Variants in WASHC3 observed in about 807,000 individuals in gnomAD.
WASHC3 encodes WASH complex subunit 3, also known as WASH complex subunit CCDC53.
A neutral mutation model predicts 26.1 loss-of-function variants in WASHC3; 24 were observed. The observed-to-expected ratio is 0.92, with a 90% CI of 0.66 to 1.29. The LOEUF is 1.29. Ranked by LOEUF, WASHC3 falls within the 50% of genes most tolerant of loss-of-function variation. The pLI is 0.00. For missense variants in WASHC3, 214 were observed against 229.6 expected (o/e 0.93, Z 0.44); for synonymous variants, 77 against 75.7 (o/e 1.02, Z -0.09).
intron 5 of WASHC3, among the ~76,000 whole-genome samples, chr12:102,029,224 T>G (rs1369530942): frequency 6.6e-6 from 1 of 152,190 alleles, no homozygotes; most frequent in Non-Finnish European, 1.5e-5. Flanking sequence ...GTGTCCAATT[T>G]CTGATCGCCA....
At chr12:102,039,498 T>C (rs1258310675) in intron 5 of WASHC3, among the ~76,000 whole-genome samples, 1 of 152,044 alleles carries the variant, frequency 6.6e-6, no homozygotes, top group African/African-American at 2.4e-5. Context: ...AACATAAAAA[T>C]TTTTAAAAAA....
intron 2 of WASHC3, among the ~76,000 whole-genome samples, chr12:102,046,797 G>T (rs747234303): frequency 1.3e-5 from 2 of 152,086 alleles, no homozygotes; most frequent in Non-Finnish European, 2.9e-5. Flanking sequence ...GATGAATGAA[G>T]AAATTTTTTC....
Position 102,020,529 on chromosome 12 carries a change from C to T in WASHC3, c.500+5445G>A, listed in dbSNP as rs186492642. Among the ~76,000 whole-genome samples the T allele has an allele frequency of 2.2e-4, 34 of 152,214 alleles. No homozygotes were observed. In the East Asian group the frequency reaches 5.6e-3, roughly 25 times the overall value. ...TGTTTAAAACTAGCTACTTTAAGGA[C>T]AGAAAAACCAAACATTCTTTGGAAA... is the stretch of plus-strand genomic sequence containing the variant. On this transcript the variant is annotated intron_variant, in intron 6 of 6. Coordinates refer to ENST00000240079, the MANE Select transcript of WASHC3 (RefSeq NM_016053.4).
intron 2 of WASHC3, among the ~76,000 whole-genome samples, chr12:102,051,351 A>G (rs1378227069): frequency 2.6e-5 from 4 of 152,246 alleles, no homozygotes; most frequent in African/African-American, 7.2e-5. Context: ...CTAGAGGCCT[A>G]TTAGGCACTA....
At chr12:102,025,613 C>T (rs1190765262) in intron 6 of WASHC3, among the ~76,000 whole-genome samples, 1 of 139,672 alleles carries the variant, frequency 7.2e-6, no homozygotes, top group Non-Finnish European at 1.5e-5. Context: ...ATAATCACCC[C>T]CCCACCAAAA....
chr12:102,061,878 G>A, intron 1 of WASHC3, 34 bp downstream of exon 1: 1 of 1,556,830 alleles, frequency 6.4e-7, no homozygotes, highest in Non-Finnish European at 8.7e-7. Flanking sequence ...CCTCCTCCCG[G>A]CTCGTCGGGA....
rs985622402 is a variant in WASHC3, at chr12:102,055,452, T to C, written c.150+5796A>G. On this transcript the variant is annotated intron_variant, in intron 2 of 6. Coordinates refer to ENST00000240079, the MANE Select transcript of WASHC3 (RefSeq NM_016053.4). The stretch of plus-strand genomic sequence containing the variant: ...CCTCCACCTCCCAGGTTCAAGTGAT[T>C]CTCCTGCCTCAGCCTCCCAAGTAGG... Among the ~76,000 whole-genome samples the C allele has an allele frequency of 3.7e-4, 57 of 152,188 alleles. 1 individual carries two copies. The highest frequency in any genetic ancestry group is 1.3e-4 in the Non-Finnish European group (9 of 68,024).
upstream of WASHC3, chr12:102,062,031 T>C (rs576461170): frequency 5.1e-6 from 7 of 1,365,326 alleles, no homozygotes; most frequent in Non-Finnish European, 7.1e-6. Context: ...CCCAACCCGG[T>C]AATCACGTCT....
intron 6 of WASHC3, among the ~76,000 whole-genome samples, chr12:102,016,493 CTG>C (rs1249982160): frequency 5.9e-5 from 9 of 152,222 alleles, no homozygotes; most frequent in African/African-American, 2.2e-4. Flanking sequence ...GTGTAAGCCA[CTG>C]TGCCTGGCCT....
chr12:102,047,330 A>AG (rs1393592277), intron 2 of WASHC3, among the ~76,000 whole-genome samples: 1 of 152,206 alleles, frequency 6.6e-6, no homozygotes. Context: ...CCACAATTAG[A>AG]GGGGGCAAAA....
chr12:102,046,027 T>C (rs1878145970), intron 3 of WASHC3, 27 bp downstream of exon 3: 2 of 1,366,014 alleles, frequency 1.5e-6, no homozygotes, highest in African/African-American at 1.4e-5. Context: ...GCAAAGTTTA[T>C]ACTACAAATT....
Position 102,039,994 on chromosome 12 carries a change from G to A in WASHC3, c.325-16C>T, listed in dbSNP as rs991421266. 2.4e-6 allele frequency: 3 copies of A among 1,246,628 alleles called. No individual in the cohort carries two copies. The highest frequency in any genetic ancestry group is 3.4e-6 in the Non-Finnish European group (3 of 871,078). 77.2% of individuals were successfully genotyped at this position (1,246,628 alleles called of 1,614,324 possible). A position where few individuals can be genotyped will look rare whatever the true frequency, so the allele number is the denominator to read the frequency against. ...TACTGTTCTGCTGTAGAGAGTATTT[G>A]GTGTAAATCTTTAGACAATTTACAA... On this transcript the variant is annotated splice_polypyrimidine_tract_variant and intron_variant, in intron 4 of 6. Coordinates refer to ENST00000240079, the MANE Select transcript of WASHC3 (RefSeq NM_016053.4).
intron 6 of WASHC3, among the ~76,000 whole-genome samples, chr12:102,017,977 C>T (rs1041241615): frequency 2.0e-5 from 3 of 152,114 alleles, no homozygotes; most frequent in Non-Finnish European, 1.5e-5. Flanking sequence ...TTCCCTTATC[C>T]GTCCAGCTGC....
At chr12:102,025,685 G>GAAAAAAAAAAAAAAA (rs771948063) in intron 6 of WASHC3, among the ~76,000 whole-genome samples, 1 of 74,012 alleles carries the variant, frequency 1.4e-5, no homozygotes. Flanking sequence ...GCACAAAAAG[G>GAAAAAAAAAAAAAAA]AAAAAAAAAA....
chr12:102,053,961 G>C (rs906378525), intron 2 of WASHC3, among the ~76,000 whole-genome samples: 2 of 152,168 alleles, frequency 1.3e-5, no homozygotes, highest in Non-Finnish European at 2.9e-5. Flanking sequence ...ATGTGGAGAG[G>C]TGGAGTAAAA....
intron 5 of WASHC3, among the ~76,000 whole-genome samples, chr12:102,030,111 C>T (rs1294008704): frequency 1.3e-5 from 2 of 151,916 alleles, no homozygotes; most frequent in Non-Finnish European, 2.9e-5. Context: ...GCCTGACCAA[C>T]ATGGAGAAAC....
At chr12:102,041,483 GA>G (rs1322642693) in intron 4 of WASHC3, among the ~76,000 whole-genome samples, 2 of 151,958 alleles carry the variant, frequency 1.3e-5, no homozygotes, top group Non-Finnish European at 2.9e-5. Context: ...GATGAAATCT[GA>G]ACCATGAAAT....
intron 6 of WASHC3, chr12:102,017,612 G>C (rs1397793296): frequency 3.5e-6 from 1 of 287,962 alleles, no homozygotes; most frequent in Non-Finnish European, 6.7e-6. Flanking sequence ...GGGTGCAACA[G>C]TAGATGAGAT....
chr12:102,031,237 C>A (rs1000932699), intron 5 of WASHC3, among the ~76,000 whole-genome samples: 1 of 152,174 alleles, frequency 6.6e-6, no homozygotes, highest in Non-Finnish European at 1.5e-5. Flanking sequence ...CCTCTGTATA[C>A]TGGGGCCATG....
Sources: allele counts gnomAD v4.1 joint callset (sites outside exome capture counted in the v4.1 genomes callset), GRCh38; gene constraint gnomAD v4.1.1; transcripts MANE v1.5; gene names NCBI Gene and HGNC (gene_info 2026-07-23, HGNC 2026-07-21).